The following CSMD1 variants were observed in gnomAD, a reference collection of about 807,000 sequenced individuals.
CSMD1 encodes CUB and sushi domain-containing protein 1.
In CSMD1, 213 loss-of-function variants were observed where a neutral mutation model predicts 417.5. That is an observed-to-expected ratio of 0.51 (90% CI 0.46 to 0.57). The LOEUF (loss-of-function observed/expected upper bound fraction) is 0.57. CSMD1 is among the 20% of genes least tolerant of loss of function. The probability of loss-of-function intolerance (pLI) is 0.00; values close to 1 mark genes in which losing one functional copy is unlikely to be tolerated. For missense variants in CSMD1, 6,923 were observed against 4,529.7 expected (o/e 1.53, Z -15.17); for synonymous variants, 2,862 against 1,736.8 (o/e 1.65, Z -16.11).
chr8:3,923,942 T>G (rs979168420), intron 5 of CSMD1, among the ~76,000 whole-genome samples: 1 of 152,222 alleles, frequency 6.6e-6, no homozygotes, highest in Non-Finnish European at 1.5e-5. Flanking sequence ...TTTTTCACCA[T>G]TATTACAGTA....
Position 3,138,328 on chromosome 8 carries a change from A to G in CSMD1, c.6241+4137T>C, listed in dbSNP as rs138593155. The stretch of plus-strand genomic sequence containing the variant: ...GGGAACTCTACTCCTGTAGATACTC[A>G]GGGATCCAGATGACTGAGTGGCCAT... On this transcript the variant is annotated intron_variant, in intron 41 of 69. Transcript: ENST00000635120. Among the ~76,000 whole-genome samples the G allele has an allele frequency of 3.4e-3, 514 of 152,346 alleles. 2 individuals carry two copies. The highest frequency in any genetic ancestry group is 6.8e-3 in the Middle Eastern group (2 of 294).
chr8:3,141,275 G>C (rs1818423138), intron 41 of CSMD1, among the ~76,000 whole-genome samples: 1 of 152,174 alleles, frequency 6.6e-6, no homozygotes, highest in Non-Finnish European at 1.5e-5. Context: ...AATTATACCT[G>C]AGGAAATTAT....
At chr8:2,984,125 TA>T (rs1407282452) in intron 54 of CSMD1, among the ~76,000 whole-genome samples, 1 of 152,202 alleles carries the variant, frequency 6.6e-6, no homozygotes, top group Non-Finnish European at 1.5e-5. Context: ...AAAAGGCAAC[TA>T]ACTTTCCATA....
chr8:3,759,184 C>T (rs963503327), intron 5 of CSMD1, among the ~76,000 whole-genome samples: 2 of 152,130 alleles, frequency 1.3e-5, no homozygotes, highest in African/African-American at 4.8e-5. Flanking sequence ...AAGCAAATCT[C>T]TTGTTGAGAT....
At chr8:4,691,789 A>C (rs756189285) in intron 1 of CSMD1, among the ~76,000 whole-genome samples, 8 of 152,196 alleles carry the variant, frequency 5.3e-5, no homozygotes, top group African/African-American at 9.7e-5. Context: ...TTTAACCTTT[A>C]AATCATTGTT....
intron 11 of CSMD1, 64 bp downstream of exon 11, chr8:3,493,559 A>G: frequency 7.3e-7 from 1 of 1,371,186 alleles, no homozygotes; most frequent in South Asian, 1.3e-5. Context: ...GCAGAATCTC[A>G]TCTCCACCCA....
intron 5 of CSMD1, among the ~76,000 whole-genome samples, chr8:3,870,475 G>C (rs765664591): frequency 7.2e-5 from 11 of 152,032 alleles, no homozygotes; most frequent in South Asian, 2.1e-4. Flanking sequence ...GAAATTATTA[G>C]AGTTGAAATT....
chr8:4,397,523 CTTTTTTTTTT>C (rs57745028), intron 3 of CSMD1, among the ~76,000 whole-genome samples: 15 of 59,960 alleles, frequency 2.5e-4, no homozygotes, highest in South Asian at 2.4e-3. Flanking sequence ...GCCTGAGACT[CTTTTTTTTTT>C]TTTTTTTTTT....
intron 12 of CSMD1, among the ~76,000 whole-genome samples, chr8:3,431,860 G>A (rs189296831): frequency 7.2e-4 from 109 of 152,112 alleles, no homozygotes; most frequent in Admixed American, 1.2e-3. Flanking sequence ...CTGCCACCAC[G>A]CCCACAGTGA....
chr8:3,162,863 C>T (rs1375796683), intron 37 of CSMD1, among the ~76,000 whole-genome samples: 22 of 152,120 alleles, frequency 1.4e-4, no homozygotes, highest in Admixed American at 1.4e-3. Flanking sequence ...CCTGCACTTT[C>T]CTAGATGAAT....
intron 1 of CSMD1, among the ~76,000 whole-genome samples, chr8:4,932,316 A>G (rs1422104976): frequency 6.9e-6 from 1 of 144,336 alleles, no homozygotes; most frequent in African/African-American, 2.6e-5. Flanking sequence ...GTACCAAGTA[A>G]CTACACACTT....
At position 3,776,372 on chromosome 8, in the gene CSMD1, G is replaced by C. The variant is rs140439703; in HGVS notation, c.819-22330C>G. ...CCAGGGGTCACCTGTCTCACTGAGA[G>C]TAAAGCCAGACTCTAAAGAGGCGCT... On this transcript the variant is annotated intron_variant, in intron 5 of 69. Transcript: ENST00000635120. 8.7e-3 allele frequency among the ~76,000 whole-genome samples: 1,321 copies of C among 152,292 alleles called. 15 individuals carry two copies. The highest frequency in any genetic ancestry group is 0.024 in the South Asian group (117 of 4,822).
intron 1 of CSMD1, among the ~76,000 whole-genome samples, chr8:4,914,475 G>A (rs1019117841): frequency 1.3e-5 from 2 of 151,936 alleles, no homozygotes; most frequent in African/African-American, 4.8e-5. Context: ...CTACTCGGGA[G>A]GCTGAGGCAG....
intron 12 of CSMD1, among the ~76,000 whole-genome samples, chr8:3,413,753 A>G (rs1228845411): frequency 1.3e-5 from 2 of 152,284 alleles, no homozygotes; most frequent in Admixed American, 6.5e-5. Flanking sequence ...GGTAGAGTAG[A>G]AGATGAGTAA....
intron 4 of CSMD1, among the ~76,000 whole-genome samples, chr8:4,026,615 G>T (rs1238960747): frequency 6.6e-6 from 1 of 152,200 alleles, no homozygotes; most frequent in Admixed American, 6.5e-5. Context: ...CAGTTTTAAT[G>T]GTGGTATCTT....
chr8:3,729,922 TAAAAAAAAAAAA>T (rs1160679199), intron 6 of CSMD1, among the ~76,000 whole-genome samples: 1 of 47,062 alleles, frequency 2.1e-5, no homozygotes, highest in African/African-American at 1.4e-4. Flanking sequence ...CAATTCAAAG[TAAAAAAAAAAAA>T]AAAAAAAAAA....
chr8:4,652,093 T>C (rs77967539), intron 1 of CSMD1, among the ~76,000 whole-genome samples: 1,718 of 152,250 alleles, frequency 0.011, 37 homozygotes, highest in East Asian at 0.1. Context: ...TTAACACAAT[T>C]TTTTTCCAAT....
chr8:4,197,926 T>G (rs1167486474), intron 3 of CSMD1, among the ~76,000 whole-genome samples: 1 of 152,192 alleles, frequency 6.6e-6, no homozygotes, highest in East Asian at 1.9e-4. Context: ...ATTCATTCAT[T>G]TAGTAATTCT....
chr8:4,279,511 T>C (rs1406100338), intron 3 of CSMD1, among the ~76,000 whole-genome samples: 4 of 152,190 alleles, frequency 2.6e-5, no homozygotes, highest in Non-Finnish European at 5.9e-5. Flanking sequence ...TATTACTCAA[T>C]GTCAATACAG....
Sources: gnomAD v4.1 joint callset for allele counts (sites outside exome capture counted in the v4.1 genomes callset) on GRCh38, gnomAD v4.1.1 for gene constraint, MANE v1.5 for transcripts, NCBI Gene and HGNC (gene_info 2026-07-23, HGNC 2026-07-21) for gene names.